The following FOXP1 variants were observed in gnomAD, a reference collection of about 807,000 sequenced individuals.
The protein encoded by FOXP1 is forkhead box protein P1.
In FOXP1, 15 loss-of-function variants were observed where a neutral mutation model predicts 98.2. That is an observed-to-expected ratio of 0.15 (90% CI 0.10 to 0.24). The LOEUF (loss-of-function observed/expected upper bound fraction) is 0.24, where lower values mean the gene tolerates loss of function less well. FOXP1 is among the 10% of genes least tolerant of loss of function. The pLI, the probability that FOXP1 is intolerant of heterozygous loss-of-function variation, is 1.00. For missense variants in FOXP1, 633 were observed against 848.5 expected (o/e 0.75, Z 3.15); for synonymous variants, 371 against 314.5 (o/e 1.18, Z -1.90).
chr3:71,544,421 G>A (rs1249784675), intron 2 of FOXP1, among the ~76,000 whole-genome samples: 3 of 148,470 alleles, frequency 2.0e-5, no homozygotes, highest in African/African-American at 7.4e-5. Flanking sequence ...AAAGGAAAAA[G>A]CAGGAAAGAC....
chr3:71,343,648 T>C (rs996697459), intron 4 of FOXP1, among the ~76,000 whole-genome samples: 1 of 145,220 alleles, frequency 6.9e-6, no homozygotes, highest in Non-Finnish European at 1.5e-5. Flanking sequence ...CTCAGCCTCC[T>C]GGGTTCAAGC....
chr3:71,048,640 C>T (rs1182461711), intron 9 of FOXP1, among the ~76,000 whole-genome samples: 2 of 152,006 alleles, frequency 1.3e-5, no homozygotes, highest in Non-Finnish European at 2.9e-5. Context: ...CCCAAGTTAT[C>T]ACATTAATGT....
intron 7 of FOXP1, among the ~76,000 whole-genome samples, chr3:71,063,968 C>G (rs1170745590): frequency 6.6e-6 from 1 of 152,208 alleles, no homozygotes; most frequent in African/African-American, 2.4e-5. Flanking sequence ...CCCGTTTCCA[C>G]TGACCGTCCT....
At chr3:71,522,202 CAG>C (rs1376255141) in intron 2 of FOXP1, among the ~76,000 whole-genome samples, 1 of 152,168 alleles carries the variant, frequency 6.6e-6, no homozygotes, top group Admixed American at 6.5e-5. Context: ...TGCCCAATGA[CAG>C]AGGCAAGGGT....
At chr3:71,471,377 G>C (rs955362450) in intron 3 of FOXP1, among the ~76,000 whole-genome samples, 12 of 151,970 alleles carry the variant, frequency 7.9e-5, no homozygotes, top group Non-Finnish European at 1.0e-4. Context: ...GAAAAGAACA[G>C]GGCGAAATAA....
chr3:70,995,235 G>T (rs1477034073), intron 13 of FOXP1, among the ~76,000 whole-genome samples: 1 of 152,120 alleles, frequency 6.6e-6, no homozygotes. Flanking sequence ...GGTGGACAGT[G>T]GGGGCCCAAT....
chr3:71,128,813 T>C (rs2059390715), intron 6 of FOXP1, among the ~76,000 whole-genome samples: 1 of 151,910 alleles, frequency 6.6e-6, no homozygotes, highest in South Asian at 2.1e-4. Context: ...TTAGTTGCAA[T>C]AGGCTAATTC....
intron 3 of FOXP1, among the ~76,000 whole-genome samples, chr3:71,447,386 C>A (rs2086546945): frequency 6.6e-6 from 1 of 152,154 alleles, no homozygotes; most frequent in Non-Finnish European, 1.5e-5. Flanking sequence ...CAGGGAGGAA[C>A]CTGCCAATCT....
chr3:70,959,187 C>A lies in FOXP1; in HGVS notation c.*60G>T. On this transcript the variant is annotated 3_prime_UTR_variant, in exon 21 of 21. Coordinates refer to ENST00000649528, the MANE Select transcript of FOXP1 (RefSeq NM_001349338.3). ...GAACAATTTCACTGCTAACTTTTGA[C>A]GTGTTTTTTTTTTTTTCCTTTTTCC... The A allele has an allele frequency of 5.4e-6, 8 of 1,491,782 alleles. No homozygotes were observed. The highest frequency in any genetic ancestry group is 4.6e-5 in the South Asian group (4 of 87,576). The allele number at this position is 1,491,782 out of a possible 1,614,324, so 92.4% of individuals were successfully genotyped here. A position where few individuals can be genotyped will look rare whatever the true frequency, so the allele number is the denominator to read the frequency against.
intron 3 of FOXP1, among the ~76,000 whole-genome samples, chr3:71,492,262 G>A (rs918599018): frequency 6.6e-6 from 1 of 152,042 alleles, no homozygotes; most frequent in Non-Finnish European, 1.5e-5. Context: ...GACCAGCCTG[G>A]CCAATGTGGT....
intron 6 of FOXP1, among the ~76,000 whole-genome samples, chr3:71,142,112 A>C (rs528732902): frequency 1.3e-5 from 2 of 150,198 alleles, no homozygotes; most frequent in South Asian, 2.2e-4. Context: ...CAAATGACTT[A>C]ATAAATACAA....
intron 11 of FOXP1, among the ~76,000 whole-genome samples, chr3:71,021,996 T>G (rs1223544895): frequency 6.6e-6 from 1 of 152,358 alleles, no homozygotes; most frequent in East Asian, 1.9e-4. Context: ...TGGCTCCTTC[T>G]GTTTTTGGTG....
At chr3:71,410,451 C>T (rs1196080436) in intron 3 of FOXP1, among the ~76,000 whole-genome samples, 1 of 152,064 alleles carries the variant, frequency 6.6e-6, no homozygotes, top group Non-Finnish European at 1.5e-5. Context: ...GGTATGCTTC[C>T]AGTTGTGGCT....
chr3:71,582,027 C>T (rs374234432), intron 1 of FOXP1: 3 of 977,830 alleles, frequency 3.1e-6, no homozygotes, highest in African/African-American at 3.5e-5. Context: ...TTTGGAGTTA[C>T]AACTGTTTAT....
chr3:71,308,041 A>T (rs1225666086), intron 4 of FOXP1, among the ~76,000 whole-genome samples: 2 of 152,122 alleles, frequency 1.3e-5, no homozygotes, highest in Admixed American at 6.5e-5. Flanking sequence ...TGTGACAAAA[A>T]TCCGTATGCA....
chr3:71,093,289 A>T (rs1203857632), intron 7 of FOXP1, among the ~76,000 whole-genome samples: 2 of 144,336 alleles, frequency 1.4e-5, no homozygotes, highest in African/African-American at 2.5e-5. Flanking sequence ...AAAAAAAATT[A>T]AAAAAAGCAA....
chr3:71,252,475 GTGTAATTACCA>G (rs1291439530), intron 5 of FOXP1, among the ~76,000 whole-genome samples: 1 of 152,220 alleles, frequency 6.6e-6, no homozygotes, highest in African/African-American at 2.4e-5. Flanking sequence ...CTAATAAAAA[GTGTAATTACCA>G]ATCTCCCAGT....
chr3:71,355,384 A>G (rs2078084137), intron 4 of FOXP1, among the ~76,000 whole-genome samples: 1 of 152,192 alleles, frequency 6.6e-6, no homozygotes, highest in Non-Finnish European at 1.5e-5. Flanking sequence ...TATGGAACAA[A>G]CAAGAGGTTT....
chr3:71,121,092 A>C (rs1432672678), intron 6 of FOXP1, among the ~76,000 whole-genome samples: 2 of 151,012 alleles, frequency 1.3e-5, no homozygotes, highest in Non-Finnish European at 2.9e-5. Flanking sequence ...AAATTACGCA[A>C]ATGTTTTCCT....
Sources: allele counts gnomAD v4.1 joint callset (sites outside exome capture counted in the v4.1 genomes callset), GRCh38; gene constraint gnomAD v4.1.1; transcripts MANE v1.5; gene names NCBI Gene and HGNC (gene_info 2026-07-23, HGNC 2026-07-21).